The following C8orf34 variants were observed in gnomAD, a reference collection of about 807,000 sequenced individuals.
C8orf34 encodes uncharacterized protein C8orf34.
Under a neutral mutation model 68.3 loss-of-function variants are expected in C8orf34, and 65 were observed. The observed-to-expected ratio is 0.95, with a 90% CI of 0.78 to 1.17. The LOEUF (loss-of-function observed/expected upper bound fraction) is 1.17. C8orf34 is among the 50% of genes most tolerant of loss of function. The pLI, the probability that C8orf34 is intolerant of heterozygous loss-of-function variation, is 0.00. For synonymous variants in C8orf34, 244 were observed against 241.2 expected, an observed-to-expected ratio of 1.01 and a Z score of -0.11; for missense variants, 664 against 655.4, an observed-to-expected ratio of 1.01 and a Z score of -0.14.
intron 5 of C8orf34, 101 bp downstream of exon 5, chr8:68,488,152 T>C: frequency 2.4e-6 from 2 of 833,846 alleles, no homozygotes; most frequent in Non-Finnish European, 3.6e-6. Flanking sequence ...AATGTTCAAG[T>C]ATAATTTATT....
rs1269391741 is a variant in C8orf34 at position 68,529,961 on chromosome 8, A to G, written c.939-3022A>G. On this transcript the variant is annotated intron_variant, in intron 6 of 13. Transcript: ENST00000518698. ...CATATAACATCTGCTTCAAACAGTT[A>G]TACTTTGTGAATTATTATTTAACTC... Among the ~76,000 whole-genome samples the G allele has an allele frequency of 2.6e-5, 4 of 152,086 alleles. No individual in the cohort carries two copies. The East Asian group carries it at 7.7e-4, about 29-fold the overall frequency.
chr8:68,744,646 G>C (rs1483331362), intron 10 of C8orf34, among the ~76,000 whole-genome samples: 1 of 151,996 alleles, frequency 6.6e-6, no homozygotes, highest in African/African-American at 2.4e-5. Context: ...GATGGAAGAT[G>C]AAATGAATGA....
chr8:68,477,659 A>G (rs1229830385), intron 4 of C8orf34, among the ~76,000 whole-genome samples: 1 of 152,230 alleles, frequency 6.6e-6, no homozygotes, highest in East Asian at 1.9e-4. Context: ...TCCCCTTTGC[A>G]CTGCCCTAGC....
chr8:68,625,669 C>T (rs1818519485), intron 7 of C8orf34: 4 of 699,854 alleles, frequency 5.7e-6, no homozygotes, highest in South Asian at 4.5e-5. Context: ...TGTCATGTGC[C>T]TGCTCCTCCC....
intron 5 of C8orf34, among the ~76,000 whole-genome samples, chr8:68,509,844 G>A (rs1047047154): frequency 6.6e-6 from 1 of 152,132 alleles, no homozygotes; most frequent in African/African-American, 2.4e-5. Context: ...GCTGTCATGG[G>A]TGTCAAAGTG....
intron 7 of C8orf34, among the ~76,000 whole-genome samples, chr8:68,604,366 G>T (rs978916359): frequency 7.9e-5 from 12 of 151,910 alleles, no homozygotes; most frequent in Admixed American, 7.9e-4. Context: ...AGGAATAAAA[G>T]ATTTAAATGA....
intron 10 of C8orf34, among the ~76,000 whole-genome samples, chr8:68,753,447 A>G (rs1364531534): frequency 6.6e-6 from 1 of 152,234 alleles, no homozygotes; most frequent in African/African-American, 2.4e-5. Context: ...CATTAAGTAA[A>G]TTGTATGATG....
chr8:68,481,771 C>T (rs185807874), intron 4 of C8orf34, among the ~76,000 whole-genome samples: 3 of 152,258 alleles, frequency 2.0e-5, no homozygotes, highest in African/African-American at 7.2e-5. Context: ...TAACCAATAC[C>T]TATACCCCAA....
intron 12 of C8orf34, among the ~76,000 whole-genome samples, chr8:68,796,228 T>C (rs1824174229): frequency 6.6e-6 from 1 of 152,228 alleles, no homozygotes; most frequent in Non-Finnish European, 1.5e-5. Flanking sequence ...TTCTATGGGT[T>C]GTTGTAAGCC....
chr8:68,689,287 G>C (rs1452443657), intron 8 of C8orf34, among the ~76,000 whole-genome samples: 2 of 151,972 alleles, frequency 1.3e-5, no homozygotes, highest in South Asian at 2.1e-4. Flanking sequence ...AAGGATAAAA[G>C]ACAACATATT....
chr8:68,602,120 G>A (rs1817715979), intron 7 of C8orf34, among the ~76,000 whole-genome samples: 1 of 152,268 alleles, frequency 6.6e-6, no homozygotes, highest in Non-Finnish European at 1.5e-5. Flanking sequence ...GTTGCCACAC[G>A]ATGGGAGCAG....
chr8:68,800,877 A>G (rs1824309026), intron 12 of C8orf34, among the ~76,000 whole-genome samples: 1 of 152,130 alleles, frequency 6.6e-6, no homozygotes, highest in Non-Finnish European at 1.5e-5. Context: ...CTTTTGCTTC[A>G]GTGTTGGTGT....
intron 7 of C8orf34, among the ~76,000 whole-genome samples, chr8:68,577,542 TAA>T (rs1263988354): frequency 6.6e-6 from 1 of 151,926 alleles, no homozygotes; most frequent in Non-Finnish European, 1.5e-5. Flanking sequence ...TATGCATTAT[TAA>T]AAAGAGAATG....
Position 68,582,928 on chromosome 8 carries a change from T to C in C8orf34, c.1105+49779T>C, listed in dbSNP as rs78763285. Among the ~76,000 whole-genome samples the C allele has an allele frequency of 5.9e-3, 891 of 152,262 alleles. 10 individuals carry two copies. The highest frequency in any genetic ancestry group is 0.034 in the Middle Eastern group (10 of 294). On this transcript the variant is annotated intron_variant, in intron 7 of 13. Coordinates refer to ENST00000518698, the MANE Select transcript of C8orf34 (RefSeq NM_052958.4). ...AATCAGGGTAGATAAAAGTAATATT[T>C]GGTATAAAGGTTTTGGTGCCTTCTC...
chr8:68,353,295 T>C (rs191949927), intron 1 of C8orf34, among the ~76,000 whole-genome samples: 181 of 152,082 alleles, frequency 1.2e-3, no homozygotes, highest in African/African-American at 4.0e-3. Flanking sequence ...GATGCCCACA[T>C]ATATAATAAA....
chr8:68,587,818 G>A (rs1323811753), intron 7 of C8orf34, among the ~76,000 whole-genome samples: 2 of 152,048 alleles, frequency 1.3e-5, no homozygotes, highest in Non-Finnish European at 2.9e-5. Context: ...TAGCATGGCT[G>A]TTTAAATAGG....
chr8:68,622,911 C>T (rs1818429764), intron 7 of C8orf34, among the ~76,000 whole-genome samples: 2 of 152,108 alleles, frequency 1.3e-5, no homozygotes, highest in Non-Finnish European at 2.9e-5. Context: ...ATAAAATGTT[C>T]GTATATATCA....
rs189029991 is a variant in C8orf34 at position 68,456,149 on chromosome 8, G to A, written c.607+9689G>A. Among the ~76,000 whole-genome samples the A allele has an allele frequency of 1.5e-4, 22 of 151,074 alleles. No individual in the cohort carries two copies. In the South Asian group the frequency reaches 1.5e-3, roughly 10 times the overall value. Reference sequence around the variant, plus strand: ...TGGGTGCCTGTAGTCCCACCTACTCGGGAGGCTGAGGCAGGAGAATCACTT... The same window carrying A: ...TGGGTGCCTGTAGTCCCACCTACTCAGGAGGCTGAGGCAGGAGAATCACTT... On this transcript the variant is annotated intron_variant, in intron 3 of 13. Transcript: ENST00000518698.
In C8orf34 at chr8:68,412,914, C is replaced by T. The variant is rs184499300; in HGVS notation, c.328-26585C>T. 2.2e-3 allele frequency among the ~76,000 whole-genome samples: 340 copies of T among 152,234 alleles called. 1 individual carries two copies. Among genetic ancestry groups the T allele is most frequent in the Non-Finnish European group, 3.8e-3 (260 of 68,014 alleles). ...TCACCTTAGTGTCCTCACTCTGTGT[C>T]CTATCAAGCTTAAACTCTGTGGTCA... On this transcript the variant is annotated intron_variant, in intron 1 of 13. Transcript: ENST00000518698.
Sources: allele counts gnomAD v4.1 joint callset (sites outside exome capture counted in the v4.1 genomes callset), GRCh38; gene constraint gnomAD v4.1.1; transcripts MANE v1.5; gene names NCBI Gene and HGNC (gene_info 2026-07-23, HGNC 2026-07-21).